Variants in RYR2 observed in about 807,000 individuals in gnomAD.
RYR2 encodes ryanodine receptor 2.
A neutral mutation model predicts 601.1 loss-of-function variants in RYR2; 227 were observed. The ratio of observed to expected loss-of-function variants is 0.38; its 90% CI spans 0.34 to 0.42. The LOEUF (loss-of-function observed/expected upper bound fraction) is 0.42. Ranked by LOEUF, RYR2 falls within the 10% of genes least tolerant of loss-of-function variation. The pLI is 1.00. For synonymous variants in RYR2, 2,223 were observed against 2,175.1 expected (o/e 1.02, Z -0.61); for missense variants, 4,646 against 6,156.5 (o/e 0.75, Z 8.21).
At position 237,770,842 on chromosome 1, in the gene RYR2, G is replaced by T; in HGVS notation, c.11512G>T (p.Asp3838Tyr). The change falls in exon 85 of 105, where the codon GAC becomes TAC. Residue 3838 changes from aspartate (D) to tyrosine (Y), a missense_variant. Transcript: ENST00000366574. The stretch of plus-strand genomic sequence containing the variant: ...TCTGCAGGACGATGAGTTCACCTGT[G>T]ACCTCTTCCGATTCCTGCAACTACT... ...KVLQDDEFTC[D>Y]LFRFLQLLCE... 4 of 1,553,782 alleles carry T rather than the reference G, an allele frequency of 2.6e-6. No homozygotes were observed. In the South Asian group the frequency reaches 4.7e-5, roughly 18 times the overall value.
At chr1:237,572,924 GGAGCTAGCATTGAGGTA>G (rs1432719128) in intron 29 of RYR2, among the ~76,000 whole-genome samples, 1 of 151,964 alleles carries the variant, frequency 6.6e-6, no homozygotes, top group Non-Finnish European at 1.5e-5. Context: ...GTCACTACTG[GGAGCTAGCATTGAGGTA>G]GCTAGAGCTC....
At chr1:237,186,616 G>A (rs528912281) in intron 1 of RYR2, among the ~76,000 whole-genome samples, 19 of 152,254 alleles carry the variant, frequency 1.2e-4, no homozygotes, top group African/African-American at 4.1e-4. Flanking sequence ...GATTCTGGGC[G>A]TTCCTTCTAA....
chr1:237,824,312 C>T lies in RYR2; in HGVS notation c.14591-4069C>T, dbSNP rs552925768. ...TGGCAAACCAAATCCAGCAGCACCT[C>T]GAAAAGCTTATCCACCATGATCAAG... On this transcript the variant is annotated intron_variant, in intron 101 of 104. Transcript: ENST00000366574. 2.6e-5 allele frequency among the ~76,000 whole-genome samples: 4 copies of T among 152,180 alleles called. No individual in the cohort carries two copies. In the South Asian group the frequency reaches 6.2e-4, roughly 24 times the overall value.
chr1:237,715,528 G>A (rs1689199099), intron 71 of RYR2, among the ~76,000 whole-genome samples: 1 of 152,152 alleles, frequency 6.6e-6, no homozygotes, highest in African/African-American at 2.4e-5. Context: ...ATTTGTAGAT[G>A]TGTTTAGTGT....
chr1:237,533,203 T>C (rs972763961), intron 25 of RYR2, among the ~76,000 whole-genome samples: 1 of 152,212 alleles, frequency 6.6e-6, no homozygotes, highest in Non-Finnish European at 1.5e-5. Flanking sequence ...TGACAGTCTA[T>C]ATACTGTCTC....
intron 24 of RYR2, among the ~76,000 whole-genome samples, chr1:237,517,028 G>T (rs576369535): frequency 6.6e-6 from 1 of 152,272 alleles, no homozygotes; most frequent in South Asian, 2.1e-4. Flanking sequence ...GGAACTTGGA[G>T]TCTGATATCT....
intron 1 of RYR2, among the ~76,000 whole-genome samples, chr1:237,203,074 A>G (rs1313798619): frequency 2.6e-5 from 4 of 152,158 alleles, no homozygotes; most frequent in Non-Finnish European, 5.9e-5. Flanking sequence ...GAACCCACCC[A>G]GTTTGGACAA....
chr1:237,828,888 G>A (rs1663455097), intron 102 of RYR2, among the ~76,000 whole-genome samples: 1 of 152,258 alleles, frequency 6.6e-6, no homozygotes, highest in East Asian at 1.9e-4. Flanking sequence ...GGAAGTCTGT[G>A]GGTTTGATAA....
intron 1 of RYR2, among the ~76,000 whole-genome samples, chr1:237,210,065 G>T (rs1682394818): frequency 6.6e-6 from 1 of 152,020 alleles, no homozygotes; most frequent in African/African-American, 2.4e-5. Context: ...AATTGCTGTT[G>T]ATATTTCACA....
chr1:237,491,008 G>T (rs1023441028), intron 17 of RYR2, among the ~76,000 whole-genome samples: 4 of 152,092 alleles, frequency 2.6e-5, no homozygotes, highest in African/African-American at 9.7e-5. Context: ...TGTTGACAAG[G>T]CAAGCTTGTT....
chr1:237,385,032 A>G (rs10925397), intron 8 of RYR2, among the ~76,000 whole-genome samples: 84,280 of 151,372 alleles, frequency 0.56, 23,685 homozygotes, highest in Admixed American at 0.69. Flanking sequence ...TGGGATTACA[A>G]GTGCCTGCCA....
chr1:237,070,947 G>A (rs1318760459), intron 1 of RYR2, among the ~76,000 whole-genome samples: 2 of 152,266 alleles, frequency 1.3e-5, no homozygotes, highest in Non-Finnish European at 2.9e-5. Context: ...GAGCCCCCAA[G>A]GGCCACTGCT....
chr1:237,582,541 T>C (rs1440307844), intron 29 of RYR2, among the ~76,000 whole-genome samples: 1 of 152,162 alleles, frequency 6.6e-6, no homozygotes, highest in East Asian at 1.9e-4. Flanking sequence ...ACCCAAATAC[T>C]GAATATGGCA....
intron 1 of RYR2, among the ~76,000 whole-genome samples, chr1:237,078,605 T>C (rs1393246294): frequency 0.012 from 333 of 28,368 alleles, 5 homozygotes; most frequent in African/African-American, 0.051. Flanking sequence ...AATAGACCAA[T>C]AACAGGCTCT....
rs1482305659 is a variant in RYR2, at chr1:237,479,209, A to G, written c.1708+10022A>G. ...TGCTCAGTTTTCCAAAAATACATCC[A>G]CTTTGAAATGCATTAAGTTGTTGTA... On this transcript the variant is annotated intron_variant, in intron 17 of 104. Coordinates refer to ENST00000366574, the MANE Select transcript of RYR2 (RefSeq NM_001035.3). 2.6e-5 allele frequency among the ~76,000 whole-genome samples: 4 copies of G among 152,168 alleles called. No individual in the cohort carries two copies. The East Asian group carries it at 7.7e-4, about 29-fold the overall frequency.
Position 237,733,498 on chromosome 1 carries a change from A to C in RYR2, c.11040-207A>C, listed in dbSNP as rs150218247. Among the ~76,000 whole-genome samples, 1,277 of 152,340 alleles carry C rather than the reference A, an allele frequency of 8.4e-3. 20 individuals carry two copies. Among genetic ancestry groups the C allele is most frequent in the African/African-American group, 0.029 (1,219 of 41,570 alleles). On this transcript the variant is annotated intron_variant, in intron 78 of 104. Transcript: ENST00000366574. ...AGGCCCTTCTGTAAGGTAAGATGGG[A>C]CAGCTATTTAGGATCCCCGGGATCT... is the stretch of plus-strand genomic sequence containing the variant.
intron 3 of RYR2, among the ~76,000 whole-genome samples, chr1:237,347,631 AT>A (rs1698416341): frequency 1.3e-5 from 2 of 152,166 alleles, no homozygotes; most frequent in East Asian, 3.9e-4. Context: ...TGAATCTTTT[AT>A]TGTTTGGATC....
intron 42 of RYR2, among the ~76,000 whole-genome samples, chr1:237,632,453 G>C (rs1680443275): frequency 2.1e-5 from 3 of 145,046 alleles, no homozygotes; most frequent in Non-Finnish European, 4.5e-5. Flanking sequence ...GGAGTGCAGT[G>C]GCGTGATCTC....
intron 25 of RYR2, among the ~76,000 whole-genome samples, chr1:237,546,997 T>TATATATATATATATATATATATATATA (rs58050661): frequency 2.4e-5 from 2 of 83,336 alleles, no homozygotes; most frequent in Non-Finnish European, 5.6e-5. Context: ...ATATATATAT[T>TATATATATATATATATATATATATATA]TATTTATTTA....
Sources: allele counts gnomAD v4.1 joint callset (sites outside exome capture counted in the v4.1 genomes callset), GRCh38; gene constraint gnomAD v4.1.1; transcripts MANE v1.5; gene names NCBI Gene and HGNC (gene_info 2026-07-23, HGNC 2026-07-21).